MON2: variants seen among roughly 807,000 people sequenced by gnomAD.
MON2 encodes MON2 regulator of endosome-to-Golgi trafficking.
In MON2, 84 loss-of-function variants were observed where a neutral mutation model predicts 208.6. That is an observed-to-expected ratio of 0.40 (90% CI 0.34 to 0.48). The LOEUF (loss-of-function observed/expected upper bound fraction) is 0.48. MON2 is among the 20% of genes least tolerant of loss of function. MON2 has a pLI of 0.59. For synonymous variants in MON2, 660 were observed against 694.0 expected, an observed-to-expected ratio of 0.95 and a Z score of 0.77; for missense variants, 1,611 against 2,015.4, an observed-to-expected ratio of 0.80 and a Z score of 3.84.
chr12:62,517,728 A>C (rs1448945110), intron 8 of MON2, among the ~76,000 whole-genome samples: 1 of 152,164 alleles, frequency 6.6e-6, no homozygotes, highest in Admixed American at 6.5e-5. Context: ...TAACAAATAA[A>C]TTTCTGTCAT....
At chr12:62,503,864 A>G (rs925072234) in intron 7 of MON2, among the ~76,000 whole-genome samples, 8 of 151,982 alleles carry the variant, frequency 5.3e-5, no homozygotes, top group Non-Finnish European at 1.5e-5. Context: ...ATCTTCCCCA[A>G]CCACGTTGTG....
intron 32 of MON2, among the ~76,000 whole-genome samples, chr12:62,583,996 G>A (rs954815091): frequency 5.3e-5 from 8 of 150,804 alleles, no homozygotes; most frequent in African/African-American, 1.9e-4. Context: ...AACAGACAGT[G>A]GAATTCTCAG....
At chr12:62,549,497 G>T (rs1331006659) in intron 22 of MON2, among the ~76,000 whole-genome samples, 171 bp from the exon 23 acceptor site, 1 of 150,736 alleles carries the variant, frequency 6.6e-6, no homozygotes, top group African/African-American at 2.4e-5. Flanking sequence ...TGCACCTGTA[G>T]TCCCAGCTAC....
rs765001833 is a variant in MON2 at position 62,467,212 on chromosome 12, C to T, written c.5C>T (p.Ser2Phe). The T allele has an allele frequency of 1.2e-6, 2 of 1,612,194 alleles. No homozygotes were observed. The highest frequency in any genetic ancestry group is 4.5e-5 in the East Asian group (2 of 44,870). The change falls in exon 1 of 35, where the codon TCC becomes TTC. Residue 2 changes from serine to phenylalanine, a missense_variant. Transcript: ENST00000393630. Reference sequence around the variant, plus strand: ...TGGCTGGGACCTTGGAGGATCATGTCCGGCACCAGCAGCCCCGAGGCGGTG... The same window carrying T: ...TGGCTGGGACCTTGGAGGATCATGTTCGGCACCAGCAGCCCCGAGGCGGTG... MSGTSSPEAVKK... is the reference protein window; with the variant it reads MFGTSSPEAVKK...
chr12:62,467,347 C>T, intron 1 of MON2, 29 bp downstream of exon 1: 1 of 1,565,460 alleles, frequency 6.4e-7, no homozygotes, highest in Non-Finnish European at 8.8e-7. Context: ...CAGGAGAAGG[C>T]ACTGTGAGCA....
intron 8 of MON2, among the ~76,000 whole-genome samples, chr12:62,519,860 G>A (rs1279557239): frequency 6.6e-6 from 1 of 152,240 alleles, no homozygotes; most frequent in Admixed American, 6.5e-5. Flanking sequence ...CTGTCACCCT[G>A]GCTGGAGTGC....
At chr12:62,579,850 T>C (rs1332919593) in intron 31 of MON2, among the ~76,000 whole-genome samples, 4 of 152,200 alleles carry the variant, frequency 2.6e-5, no homozygotes, top group African/African-American at 7.2e-5. Context: ...CAAAATAACA[T>C]ACTACATGTT....
chr12:62,555,909 T>G (rs2073950190), intron 24 of MON2, 85 bp from the exon 25 acceptor site: 1 of 1,016,650 alleles, frequency 9.8e-7, no homozygotes. Context: ...TGTAACAATT[T>G]GTAGATTCTT....
At chr12:62,562,299 A>T (rs1197870522) in intron 26 of MON2, among the ~76,000 whole-genome samples, 2 of 151,708 alleles carry the variant, frequency 1.3e-5, no homozygotes, top group African/African-American at 4.8e-5. Flanking sequence ...GATAAACAAG[A>T]AACTTTTTTT....
At chr12:62,497,178 G>C (rs1408686244) in intron 4 of MON2, among the ~76,000 whole-genome samples, 1 of 123,966 alleles carries the variant, frequency 8.1e-6, no homozygotes, top group East Asian at 2.8e-4. Context: ...GAGGGGGGAG[G>C]GGGGAGGGAT....
chr12:62,519,938 C>T (rs539220516), intron 8 of MON2, among the ~76,000 whole-genome samples: 2 of 152,270 alleles, frequency 1.3e-5, no homozygotes, highest in Non-Finnish European at 2.9e-5. Context: ...GCCTCAGCCT[C>T]TTGAGTAGCT....
At chr12:62,509,890 A>T (rs2071305607) in intron 8 of MON2, among the ~76,000 whole-genome samples, 1 of 152,032 alleles carries the variant, frequency 6.6e-6, no homozygotes. Context: ...TTTTTTGAAA[A>T]GATTAAGAAA....
intron 8 of MON2, chr12:62,509,116 CTTT>C (rs554355044): frequency 4.4e-5 from 6 of 137,482 alleles, no homozygotes; most frequent in Non-Finnish European, 6.3e-5. Context: ...TCTTCTTCTT[CTTT>C]TTTTTTTTTT....
chr12:62,553,121 G>A lies in MON2; in HGVS notation c.3157G>A (p.Gly1053Ser). 1 of 1,614,114 alleles carries A rather than the reference G, an allele frequency of 6.2e-7. No homozygotes were observed. The highest frequency in any genetic ancestry group is 1.1e-5 in the South Asian group (1 of 91,076). The change falls in exon 24 of 35, where the codon GGT becomes AGT. Residue 1053 changes from glycine to serine, a missense_variant. Gly to Ser is a moderately conservative substitution (Grantham distance 56). Transcript: ENST00000393630. Reference sequence around the variant, plus strand: ...AGGGCAAACTCTGTTTTCTACAATTGGTGCGCATGGAACTTTATTACAGCA... The same window carrying A: ...AGGGCAAACTCTGTTTTCTACAATTAGTGCGCATGGAACTTTATTACAGCA... ...SAGQTLFSTI[G>S]AHGTLLQHST...
At chr12:62,588,791 T>C in intron 34 of MON2, 1 of 871,320 alleles carries the variant, frequency 1.1e-6, no homozygotes, top group Non-Finnish European at 1.8e-6. Flanking sequence ...TCCCCTACTC[T>C]GCACTAAACT....
At chr12:62,545,913 T>A (rs183149858) in intron 21 of MON2, among the ~76,000 whole-genome samples, 1 of 152,322 alleles carries the variant, frequency 6.6e-6, no homozygotes, top group Non-Finnish European at 1.5e-5. Flanking sequence ...CCATTTATTT[T>A]GATATCCTCA....
Position 62,472,629 on chromosome 12 carries a change from A to T in MON2, c.111+5311A>T, listed in dbSNP as rs538614379. Reference sequence around the variant, plus strand: ...CTTAGGGAGACCCCTAGTGAAAGAGATGCCTTCTACTTACTGTGACAGGAT... The same window carrying T: ...CTTAGGGAGACCCCTAGTGAAAGAGTTGCCTTCTACTTACTGTGACAGGAT... On this transcript the variant is annotated intron_variant, in intron 1 of 34. Transcript: ENST00000393630. Among the ~76,000 whole-genome samples the T allele has an allele frequency of 5.9e-5, 9 of 152,300 alleles. No individual in the cohort carries two copies. The South Asian group carries it at 1.5e-3, about 25-fold the overall frequency.
At chr12:62,552,859 AT>A (rs769777219) in intron 23 of MON2, 21 bp from the exon 24 acceptor site, 117 of 1,590,440 alleles carry the variant, frequency 7.4e-5, no homozygotes, top group Non-Finnish European at 1.6e-5. Context: ...ATGAACTAAT[AT>A]TTTTCTACTT....
At chr12:62,548,795 T>C (rs1310420946) in intron 22 of MON2, among the ~76,000 whole-genome samples, 2 of 152,178 alleles carry the variant, frequency 1.3e-5, no homozygotes, top group Non-Finnish European at 2.9e-5. Context: ...TCATTACTAT[T>C]TTTTACCACC....
Sources: allele counts gnomAD v4.1 joint callset (sites outside exome capture counted in the v4.1 genomes callset), GRCh38; gene constraint gnomAD v4.1.1; transcripts MANE v1.5; gene names NCBI Gene and HGNC (gene_info 2026-07-23, HGNC 2026-07-21).